NXN: variants seen among roughly 807,000 people sequenced by gnomAD.
NXN encodes nucleoredoxin.
Under a neutral mutation model 48.6 loss-of-function variants are expected in NXN, and 16 were observed. The observed-to-expected ratio is 0.33, with a 90% CI of 0.22 to 0.50. The LOEUF is 0.50. Among genes scored for constraint, NXN ranks in the 20% least tolerant of loss-of-function variants. The probability of loss-of-function intolerance (pLI) is 0.98; values close to 1 mark genes in which losing one functional copy is unlikely to be tolerated. For missense variants in NXN, 492 were observed against 605.5 expected, an observed-to-expected ratio of 0.81 and a Z score of 1.97; for synonymous variants, 281 against 269.6, an observed-to-expected ratio of 1.04 and a Z score of -0.41.
intron 1 of NXN, among the ~76,000 whole-genome samples, chr17:838,326 C>T (rs1480359042): frequency 8.6e-5 from 13 of 151,884 alleles, no homozygotes; most frequent in Admixed American, 7.9e-4. Flanking sequence ...GAGACGGGGT[C>T]TCACCATCTT....
intron 1 of NXN, among the ~76,000 whole-genome samples, chr17:895,640 G>T (rs1009655287): frequency 9.5e-6 from 1 of 105,676 alleles, no homozygotes; most frequent in African/African-American, 3.7e-5. Context: ...GTGAAACCCC[G>T]TCTCTACTTA....
intron 1 of NXN, among the ~76,000 whole-genome samples, chr17:863,382 T>C (rs1597673295): frequency 6.6e-6 from 1 of 152,212 alleles, no homozygotes; most frequent in South Asian, 2.1e-4. Flanking sequence ...TGAGCCAGGA[T>C]GGTCTCGATC....
rs560572484 is a variant in NXN, at chr17:926,706, G to A, written c.360+52613C>T. 1.8e-4 allele frequency among the ~76,000 whole-genome samples: 27 copies of A among 146,668 alleles called. 1 individual carries two copies. Among genetic ancestry groups the A allele is most frequent in the East Asian group, 8.2e-4 (4 of 4,860 alleles). ...GACCACAGGCGTGCACCACCACGTC[G>A]GCTCATTTTTGTATTTTTTGTAGAG... On this transcript the variant is annotated intron_variant, in intron 1 of 7. Coordinates refer to ENST00000336868, the MANE Select transcript of NXN (RefSeq NM_022463.5).
Position 843,046 on chromosome 17 carries a change from AAGAAAG to A in NXN, c.361-16974_361-16969del, listed in dbSNP as rs200772869. On this transcript the variant is annotated intron_variant, in intron 1 of 7. Transcript: ENST00000336868. The stretch of plus-strand genomic sequence containing the variant: ...AAAGAAAGAAAGAAAGAAAGAAAGA[AAGAAAG>A]AAAGAAGGAAGAAAGCAAGCAAGCA... 3.5e-3 allele frequency among the ~76,000 whole-genome samples: 478 copies of A among 137,754 alleles called. 1 individual carries two copies. The highest frequency in any genetic ancestry group is 0.014 in the African/African-American group (440 of 32,576). The allele number at this position is 137,754 out of a possible 152,430, so 90.4% of individuals were successfully genotyped here.
At position 978,460 on chromosome 17, in the gene NXN, A is replaced by G. The variant is rs1478117066; in HGVS notation, c.360+859T>C. ...CCCCAAATCCTCCTTCTTCCAGTCA[A>G]TGTGCATCGATGGGGTCAGCTCAGC... On this transcript the variant is annotated intron_variant, in intron 1 of 7. Coordinates refer to ENST00000336868, the MANE Select transcript of NXN (RefSeq NM_022463.5). The surrounding 1 kb of genome is among the most constrained non-coding windows in gnomAD (Gnocchi z 4.1). 1 of 152,392 alleles carries G rather than the reference A, an allele frequency of 6.6e-6. No individual in the cohort carries two copies. The highest frequency in any genetic ancestry group is 1.5e-5 in the Non-Finnish European group (1 of 68,144). 9.4% of individuals were successfully genotyped at this position (152,392 alleles called of 1,614,324 possible).
rs544397998 is a variant in NXN, at chr17:830,779, TC to T, written c.361-4702del. 1.4e-4 allele frequency among the ~76,000 whole-genome samples: 22 copies of T among 152,156 alleles called. No homozygotes were observed. Among genetic ancestry groups the T allele is most frequent in the Non-Finnish European group, 2.6e-4 (18 of 68,000 alleles). The stretch of plus-strand genomic sequence containing the variant: ...AGTTTGGGAGGCCAAGGTGGGCAGA[TC>T]ATCTGAGGTCAGGAGTTCGACAACA... On this transcript the variant is annotated intron_variant, in intron 1 of 7. Transcript: ENST00000336868. The surrounding 1 kb of genome is among the most constrained non-coding windows in gnomAD (Gnocchi z 4.2).
At chr17:837,414 T>A (rs1292378880) in intron 1 of NXN, among the ~76,000 whole-genome samples, 6 of 152,222 alleles carry the variant, frequency 3.9e-5, no homozygotes, top group Non-Finnish European at 7.3e-5. Context: ...CCTCAGAGCC[T>A]AGTATACCTG....
chr17:918,744 G>C (rs2068715385), intron 1 of NXN, among the ~76,000 whole-genome samples: 1 of 129,206 alleles, frequency 7.7e-6, no homozygotes, highest in African/African-American at 2.9e-5. Flanking sequence ...AGTGAGCTGA[G>C]ATCGCGCCAC....
At chr17:938,938 G>C (rs1011191727) in intron 1 of NXN, among the ~76,000 whole-genome samples, 14 of 151,814 alleles carry the variant, frequency 9.2e-5, no homozygotes, top group African/African-American at 3.4e-4. Flanking sequence ...TGTAATCCCA[G>C]CTACACGGGA....
intron 1 of NXN, among the ~76,000 whole-genome samples, chr17:827,564 G>A (rs554438818): frequency 5.1e-4 from 78 of 152,308 alleles, no homozygotes; most frequent in Admixed American, 9.2e-4. Context: ...CGGGGCTTGC[G>A]GTGAGCCAGG....
chr17:890,881 T>A (rs900847635), intron 1 of NXN, among the ~76,000 whole-genome samples: 2 of 152,154 alleles, frequency 1.3e-5, no homozygotes, highest in Non-Finnish European at 2.9e-5. Flanking sequence ...CTTGCTCCTA[T>A]TTGATGAGAT....
intron 1 of NXN, among the ~76,000 whole-genome samples, chr17:891,705 C>A (rs1175134706): frequency 2.6e-5 from 4 of 152,146 alleles, no homozygotes; most frequent in African/African-American, 9.7e-5. Flanking sequence ...TCACCATGCA[C>A]AGCCCAACAG....
chr17:905,291 T>C (rs2068573138), intron 1 of NXN: 1 of 138,194 alleles, frequency 7.2e-6, no homozygotes, highest in Non-Finnish European at 1.6e-5. Context: ...GGCATGGTAA[T>C]GCACACACAT....
intron 1 of NXN, among the ~76,000 whole-genome samples, chr17:924,057 A>G (rs2068773408): frequency 6.6e-6 from 1 of 152,012 alleles, no homozygotes; most frequent in Non-Finnish European, 1.5e-5. Flanking sequence ...TACATTTTTC[A>G]AATTCTCAAA....
intron 1 of NXN, among the ~76,000 whole-genome samples, chr17:839,470 AGT>A (rs1273640023): frequency 1.3e-5 from 2 of 151,700 alleles, no homozygotes; most frequent in Non-Finnish European, 2.9e-5. Context: ...AAACATAGGA[AGT>A]GTTCAAATAC....
At chr17:962,189 A>C (rs1380894435) in intron 1 of NXN, among the ~76,000 whole-genome samples, 2 of 152,164 alleles carry the variant, frequency 1.3e-5, no homozygotes, top group Non-Finnish European at 2.9e-5. Context: ...TGTGTGTAAT[A>C]GTAGGTGAGA....
chr17:916,448 T>TA (rs1433401881), intron 1 of NXN, among the ~76,000 whole-genome samples: 4 of 151,900 alleles, frequency 2.6e-5, no homozygotes, highest in South Asian at 2.1e-4. Context: ...GTTACCAAAC[T>TA]AAAAAAAAGG....
chr17:937,006 T>C (rs951440994), intron 1 of NXN, among the ~76,000 whole-genome samples: 2 of 151,548 alleles, frequency 1.3e-5, no homozygotes, highest in South Asian at 4.2e-4. Context: ...GAGGCCGAGA[T>C]TGCACAACCG....
chr17:841,381 T>A (rs62067122), intron 1 of NXN, among the ~76,000 whole-genome samples: 2,437 of 30,492 alleles, frequency 0.08, 253 homozygotes, highest in African/African-American at 0.24. Flanking sequence ...CCACACACGG[T>A]GCATCTCACG....
Sources: allele counts gnomAD v4.1 joint callset (sites outside exome capture counted in the v4.1 genomes callset), GRCh38; gene constraint gnomAD v4.1.1; non-coding constraint Gnocchi (gnomAD v3.1); transcripts MANE v1.5; gene names NCBI Gene and HGNC (gene_info 2026-07-23, HGNC 2026-07-21).